ABCC9: variants seen among roughly 807,000 people sequenced by gnomAD.
ABCC9 encodes ATP binding cassette subfamily C member 9, also known as ATP-binding cassette sub-family C member 9.
A neutral mutation model predicts 188.3 loss-of-function variants in ABCC9; 95 were observed. That is an observed-to-expected ratio of 0.50 (90% CI 0.43 to 0.60). ABCC9 has a LOEUF of 0.60. ABCC9 is among the 20% of genes least tolerant of loss of function. The pLI is 0.00. For synonymous variants in ABCC9, 659 were observed against 652.7 expected, an observed-to-expected ratio of 1.01 and a Z score of -0.15; for missense variants, 1,102 against 1,876.3, an observed-to-expected ratio of 0.59 and a Z score of 7.62.
intron 31 of ABCC9, 49 bp from the exon 32 acceptor site, chr12:21,818,300 A>C (rs775036194): frequency 4.2e-6 from 6 of 1,423,458 alleles, no homozygotes; most frequent in Non-Finnish European, 6.0e-6. Flanking sequence ...CAAGTTCTTA[A>C]ACCAAGTTCA....
At chr12:21,917,325 C>T (rs1023782361) in intron 5 of ABCC9, among the ~76,000 whole-genome samples, 1 of 151,944 alleles carries the variant, frequency 6.6e-6, no homozygotes, top group African/African-American at 2.4e-5. Context: ...CCATCCTGAC[C>T]GTACATGATA....
chr12:21,857,036 C>T (rs1945261677), intron 22 of ABCC9, among the ~76,000 whole-genome samples: 1 of 152,100 alleles, frequency 6.6e-6, no homozygotes, highest in Non-Finnish European at 1.5e-5. Context: ...AATTTTTAAA[C>T]AATGGAAATG....
chr12:21,827,541 CA>C (rs1943454501), intron 31 of ABCC9: 1 of 113,654 alleles, frequency 8.8e-6, no homozygotes, highest in African/African-American at 2.9e-5. Context: ...CACACACACA[CA>C]CACACACACA....
At chr12:21,915,225 A>ATGTATGTG (rs1555115958) in intron 7 of ABCC9, among the ~76,000 whole-genome samples, 3 of 129,158 alleles carry the variant, frequency 2.3e-5, no homozygotes, top group African/African-American at 9.4e-5. Context: ...TTATATATAT[A>ATGTATGTG]TGTGTGTGTG....
intron 4 of ABCC9, 113 bp from the exon 5 acceptor site, chr12:21,926,176 GA>G (rs1949038047): frequency 1.1e-5 from 15 of 1,391,362 alleles, no homozygotes; most frequent in Non-Finnish European, 1.5e-5. Context: ...TTAAAATACA[GA>G]ATGCAATAGT....
chr12:21,932,822 C>T (rs1310550839), intron 4 of ABCC9, among the ~76,000 whole-genome samples: 1 of 151,774 alleles, frequency 6.6e-6, no homozygotes, highest in Non-Finnish European at 1.5e-5. Flanking sequence ...TAGAAGACAG[C>T]GTGGTGATTC....
rs912598385 is a variant in ABCC9 at position 21,814,499 on chromosome 12, T to C, written c.4102+145A>G. Reference sequence around the variant, plus strand: ...GTCTTTTATTTACTTTTGAGCTGTTTATTTGGGATATCTGCCTTGAACCAT... The same window carrying C: ...GTCTTTTATTTACTTTTGAGCTGTTCATTTGGGATATCTGCCTTGAACCAT... On this transcript the variant is annotated intron_variant, in intron 35 of 39. Coordinates refer to ENST00000261200, the MANE Select transcript of ABCC9 (RefSeq NM_020297.4). The C allele has an allele frequency of 4.2e-6, 3 of 715,650 alleles. No individual in the cohort carries two copies. In the African/African-American group the frequency reaches 5.3e-5, roughly 13 times the overall value. The allele number at this position is 715,650 out of a possible 1,614,324, so 44.3% of individuals were successfully genotyped here.
chr12:21,829,969 A>G (rs1274437650), intron 30 of ABCC9, among the ~76,000 whole-genome samples: 2 of 152,142 alleles, frequency 1.3e-5, no homozygotes, highest in African/African-American at 4.8e-5. Flanking sequence ...ACTAGAGATG[A>G]CGGCAAATGC....
At chr12:21,801,972 A>G (rs1216246232) in intron 39 of ABCC9, among the ~76,000 whole-genome samples, 1 of 152,130 alleles carries the variant, frequency 6.6e-6, no homozygotes, top group East Asian at 1.9e-4. Flanking sequence ...AGGTTTACTA[A>G]TTTCAAAATG....
intron 17 of ABCC9, among the ~76,000 whole-genome samples, chr12:21,875,165 T>C (rs1354114537): frequency 7.1e-6 from 1 of 141,024 alleles, no homozygotes; most frequent in African/African-American, 2.8e-5. Context: ...TTCACAGGTA[T>C]ACACATATGC....
At chr12:21,812,477 A>G (rs1942312122) in intron 35 of ABCC9, among the ~76,000 whole-genome samples, 1 of 152,236 alleles carries the variant, frequency 6.6e-6, no homozygotes, top group South Asian at 2.1e-4. Flanking sequence ...AGAGTGGATA[A>G]AGAAAATATG....
At chr12:21,909,494 T>C (rs1050116226) in intron 10 of ABCC9, among the ~76,000 whole-genome samples, 1 of 151,926 alleles carries the variant, frequency 6.6e-6, no homozygotes, top group Non-Finnish European at 1.5e-5. Flanking sequence ...CTGAGTATAT[T>C]TCTTTTGCCA....
At chr12:21,878,423 A>T (rs1374081181) in intron 16 of ABCC9, among the ~76,000 whole-genome samples, 1 of 152,200 alleles carries the variant, frequency 6.6e-6, no homozygotes, top group Non-Finnish European at 1.5e-5. Flanking sequence ...CACATGTATA[A>T]CCAGGCTGCT....
Position 21,800,737 on chromosome 12 carries a change from C to G in ABCC9, c.*307G>C, listed in dbSNP as rs1941386350. The G allele has an allele frequency of 5.5e-6, 2 of 362,432 alleles. No individual in the cohort carries two copies. The highest frequency in any genetic ancestry group is 1.0e-5 in the Non-Finnish European group (2 of 193,572). The allele number at this position is 362,432 out of a possible 1,614,324, so 22.5% of individuals were successfully genotyped here. On this transcript the variant is annotated 3_prime_UTR_variant, in exon 40 of 40. Coordinates refer to ENST00000261200, the MANE Select transcript of ABCC9 (RefSeq NM_020297.4). ...CACTTCCATTCCTGAGAGATATTTA[C>G]CAGACTTAAAGTTAGGAGAAAACTT...
chr12:21,817,037 G>A (rs143947624), intron 33 of ABCC9, 150 bp downstream of exon 33: 31 of 780,126 alleles, frequency 4.0e-5, no homozygotes, highest in East Asian at 1.1e-4. Context: ...CATCTTTTCC[G>A]GTGTACATAA....
At chr12:21,913,428 T>G (rs1468975475) in intron 7 of ABCC9, among the ~76,000 whole-genome samples, 1 of 152,154 alleles carries the variant, frequency 6.6e-6, no homozygotes. Flanking sequence ...AATTGCCAAA[T>G]AGCATTGCAT....
chr12:21,877,845 A>G (rs1310717391), intron 16 of ABCC9, among the ~76,000 whole-genome samples: 2 of 152,296 alleles, frequency 1.3e-5, no homozygotes, highest in Admixed American at 1.3e-4. Flanking sequence ...GTTGGAGATA[A>G]TAACTCTGTG....
intron 16 of ABCC9, among the ~76,000 whole-genome samples, chr12:21,877,218 G>A (rs1946403780): frequency 6.6e-6 from 1 of 152,136 alleles, no homozygotes; most frequent in South Asian, 2.1e-4. Context: ...TACAAGACAC[G>A]ACATTATGGG....
Position 21,805,174 on chromosome 12 carries a change from C to T in ABCC9, c.4512+824G>A. The stretch of plus-strand genomic sequence containing the variant: ...ACTTGGTGCAATAGATCATGATGGT[C>T]TACTTGTTGGTCATCACCAAAGTGG... On this transcript the variant is annotated intron_variant, in intron 39 of 39. Coordinates refer to ENST00000261200, the MANE Select transcript of ABCC9 (RefSeq NM_020297.4). 6.2e-7 allele frequency: 1 copy of T among 1,613,986 alleles called. No homozygotes were observed. Among genetic ancestry groups the T allele is most frequent in the East Asian group, 2.2e-5 (1 of 44,860 alleles).
Sources: gnomAD v4.1 joint callset for allele counts (sites outside exome capture counted in the v4.1 genomes callset) on GRCh38, gnomAD v4.1.1 for gene constraint, MANE v1.5 for transcripts, NCBI Gene and HGNC (gene_info 2026-07-23, HGNC 2026-07-21) for gene names.